The following PDGFRL variants were observed in gnomAD, a reference collection of about 807,000 sequenced individuals.
PDGFRL encodes platelet-derived growth factor receptor-like protein.
A neutral mutation model predicts 37.2 loss-of-function variants in PDGFRL; 46 were observed. That is an observed-to-expected ratio of 1.24 (90% confidence interval 0.98 to 1.58). The LOEUF (loss-of-function observed/expected upper bound fraction) is 1.58. PDGFRL is among the 40% of genes most tolerant of loss of function. The pLI is 0.00. For missense variants in PDGFRL, 692 were observed against 467.6 expected (o/e 1.48, Z -4.43); for synonymous variants, 251 against 184.3 (o/e 1.36, Z -2.93).
At chr8:17,596,791 A>G (rs2246488) in intron 2 of PDGFRL, among the ~76,000 whole-genome samples, 66,331 of 152,160 alleles carry the variant, frequency 0.44, 16,293 homozygotes, top group Middle Eastern at 0.6. Flanking sequence ...AGTCATAGCT[A>G]TATCAACCAC....
At chr8:17,607,427 T>G (rs1034707131) in intron 2 of PDGFRL, among the ~76,000 whole-genome samples, 8 of 152,238 alleles carry the variant, frequency 5.3e-5, no homozygotes, top group African/African-American at 1.9e-4. Flanking sequence ...AAAAAAAGTT[T>G]CTTTCAACAA....
intron 2 of PDGFRL, among the ~76,000 whole-genome samples, chr8:17,601,308 A>G (rs1347407623): frequency 6.6e-6 from 1 of 152,138 alleles, no homozygotes; most frequent in East Asian, 1.9e-4. Context: ...ATGTATTTCT[A>G]TGAATGAATG....
At chr8:17,640,289 T>C (rs1228616805) in intron 5 of PDGFRL, among the ~76,000 whole-genome samples, 4 of 152,228 alleles carry the variant, frequency 2.6e-5, no homozygotes, top group Non-Finnish European at 5.9e-5. Context: ...AATTCAGGGA[T>C]TTCTTTTTGG....
intron 2 of PDGFRL, among the ~76,000 whole-genome samples, chr8:17,596,814 T>C (rs1804062898): frequency 6.6e-6 from 1 of 152,238 alleles, no homozygotes; most frequent in Non-Finnish European, 1.5e-5. Flanking sequence ...ATGTGCTATT[T>C]GCCCTCAAGG....
At chr8:17,610,388 T>C (rs1305619550) in intron 2 of PDGFRL, among the ~76,000 whole-genome samples, 1 of 152,162 alleles carries the variant, frequency 6.6e-6, no homozygotes, top group Non-Finnish European at 1.5e-5. Context: ...TTGAGCAATA[T>C]GACATTCAAA....
intron 2 of PDGFRL, among the ~76,000 whole-genome samples, chr8:17,616,169 A>ATTTATTAT (rs370794514): frequency 2.1e-5 from 3 of 144,158 alleles, no homozygotes; most frequent in African/African-American, 7.7e-5. Context: ...TATTATTGTT[A>ATTTATTAT]TTATTTATTT....
At position 17,634,084 on chromosome 8, in the gene PDGFRL, C is replaced by T. The variant is rs756044950; in HGVS notation, c.810C>T (p.Gly270=). Residue 270 remains glycine (G), a synonymous_variant, in exon 5 of 6, where the codon GGC becomes GGT. Transcript: ENST00000251630. ...CGTGCTTGCTTCCAGTTCCCAGTGG[C>T]CCTCCCTCAACAACCATCTTGGCTT... The part of the protein sequence containing the change: ...YQLLYVAVPS[G]PPSTTILASS... The T allele has an allele frequency of 1.3e-5, 21 of 1,613,882 alleles. No individual in the cohort carries two copies. The highest frequency in any genetic ancestry group is 2.2e-5 in the East Asian group (1 of 44,888).
At chr8:17,611,915 T>C (rs576046935) in intron 2 of PDGFRL, among the ~76,000 whole-genome samples, 6 of 152,006 alleles carry the variant, frequency 3.9e-5, no homozygotes, top group Non-Finnish European at 8.8e-5. Flanking sequence ...TGCAGCTCGG[T>C]GGAAAGAACT....
At chr8:17,635,803 A>T (rs1421490709) in intron 5 of PDGFRL, among the ~76,000 whole-genome samples, 5 of 152,102 alleles carry the variant, frequency 3.3e-5, no homozygotes, top group Admixed American at 2.0e-4. Flanking sequence ...TTAATTTTTA[A>T]ATTATGGCCA....
Position 17,621,186 on chromosome 8 carries a change from C to A in PDGFRL, c.489C>A (p.Thr163=), listed in dbSNP as rs1207250099. The change falls in exon 3 of 6, where the codon ACC becomes ACA. Residue 163 remains threonine, a synonymous_variant. Coordinates refer to ENST00000251630, the MANE Select transcript of PDGFRL (RefSeq NM_001372073.1). ...CRKDEAKTGS[T]YIFFTEKGEL... Reference sequence around the variant, plus strand: ...AGGACGAGGCCAAAACGGGCTCCACCTACATCTTTTTTACAGGTAAAATAC... The same window carrying A: ...AGGACGAGGCCAAAACGGGCTCCACATACATCTTTTTTACAGGTAAAATAC... 2 of 1,608,012 alleles carry A rather than the reference C, an allele frequency of 1.2e-6. No individual in the cohort carries two copies. The highest frequency in any genetic ancestry group is 2.2e-5 in the South Asian group (2 of 90,388).
intron 5 of PDGFRL, among the ~76,000 whole-genome samples, chr8:17,637,372 G>A (rs910645139): frequency 7.9e-5 from 12 of 152,118 alleles, no homozygotes; most frequent in Non-Finnish European, 1.6e-4. Context: ...TCTATGTGGT[G>A]TATCCCATTA....
At position 17,621,063 on chromosome 8, in the gene PDGFRL, T is replaced by C. The variant is rs763995943; in HGVS notation, c.366T>C (p.Asn122=). 4 of 1,602,712 alleles carry C rather than the reference T, an allele frequency of 2.5e-6. No homozygotes were observed. The highest frequency in any genetic ancestry group is 3.4e-6 in the Non-Finnish European group (4 of 1,172,426). The change falls in exon 3 of 6, where the codon AAT becomes AAC. Residue 122 remains asparagine, a synonymous_variant. Transcript: ENST00000251630. Reference sequence around the variant, plus strand: ...CTTTTATTCCTAGCGTCAAGCAGAATGAGCGCTACGGCCAGTTGACTCTGG... The same window carrying C: ...CTTTTATTCCTAGCGTCAAGCAGAACGAGCGCTACGGCCAGTTGACTCTGG... ...FKDSRLSVKQ[N]ERYGQLTLVN...
chr8:17,628,150 T>C (rs530224514), intron 3 of PDGFRL, among the ~76,000 whole-genome samples: 1,762 of 146,586 alleles, frequency 0.012, 11 homozygotes, highest in Non-Finnish European at 0.018. Flanking sequence ...CCCGCCACCA[T>C]GCCCGGCTCA....
intron 5 of PDGFRL, among the ~76,000 whole-genome samples, chr8:17,641,221 T>C (rs11995662): frequency 0.16 from 24,895 of 152,034 alleles, 4,080 homozygotes; most frequent in African/African-American, 0.42. Flanking sequence ...GCAAACAGGG[T>C]TTTCAGATTT....
chr8:17,605,942 C>A (rs965743972), intron 2 of PDGFRL, among the ~76,000 whole-genome samples: 1 of 152,146 alleles, frequency 6.6e-6, no homozygotes, highest in African/African-American at 2.4e-5. Context: ...CGGTTGGCAA[C>A]AGCTTACTCC....
At chr8:17,583,276 C>G (rs926581573) in intron 1 of PDGFRL, among the ~76,000 whole-genome samples, 1 of 152,084 alleles carries the variant, frequency 6.6e-6, no homozygotes, top group Admixed American at 6.6e-5. Context: ...GTGGGGATCC[C>G]AGAATTAGAG....
intron 2 of PDGFRL, among the ~76,000 whole-genome samples, chr8:17,610,678 A>G (rs1804392316): frequency 6.6e-6 from 1 of 152,214 alleles, no homozygotes. Flanking sequence ...TGGGAGGCCA[A>G]GGTGGCAGGA....
intron 2 of PDGFRL, among the ~76,000 whole-genome samples, chr8:17,619,448 A>G (rs2129757397): frequency 6.6e-6 from 1 of 152,366 alleles, no homozygotes; most frequent in South Asian, 2.1e-4. Context: ...AAGTTACAAA[A>G]TACAAAAGAT....
At chr8:17,592,616 C>A (rs564889848) in intron 2 of PDGFRL, among the ~76,000 whole-genome samples, 12 of 152,166 alleles carry the variant, frequency 7.9e-5, no homozygotes, top group Non-Finnish European at 4.4e-5. Context: ...CGCCAGGCTC[C>A]TGGGGACTTC....
Sources: gnomAD v4.1 joint callset for allele counts (sites outside exome capture counted in the v4.1 genomes callset) on GRCh38, gnomAD v4.1.1 for gene constraint, MANE v1.5 for transcripts, NCBI Gene and HGNC (gene_info 2026-07-23, HGNC 2026-07-21) for gene names.